The following CTNNA2 variants were observed in gnomAD, a reference collection of about 807,000 sequenced individuals.
CTNNA2 encodes catenin alpha 2.
Under a neutral mutation model 101.0 loss-of-function variants are expected in CTNNA2, and 42 were observed. The ratio of observed to expected loss-of-function variants is 0.42; its 90% CI spans 0.32 to 0.54. The LOEUF is 0.54. Ranked by LOEUF, CTNNA2 falls within the 20% of genes least tolerant of loss-of-function variation. The pLI, the probability that CTNNA2 is intolerant of heterozygous loss-of-function variation, is 0.14. For synonymous variants in CTNNA2, 450 were observed against 456.4 expected, an observed-to-expected ratio of 0.99 and a Z score of 0.18; for missense variants, 871 against 1,223.1, an observed-to-expected ratio of 0.71 and a Z score of 4.29.
intron 7 of CTNNA2, among the ~76,000 whole-genome samples, chr2:79,981,229 A>AG (rs1691244530): frequency 6.6e-6 from 1 of 152,166 alleles, no homozygotes; most frequent in African/African-American, 2.4e-5. Context: ...ACCAAAAAAT[A>AG]GGGGGCTTCA....
chr2:79,387,222 C>T (rs904178730), intron 4 of CTNNA2, among the ~76,000 whole-genome samples: 9 of 152,324 alleles, frequency 5.9e-5, no homozygotes, highest in Middle Eastern at 6.8e-3. Flanking sequence ...TCTCAGATTA[C>T]CTTTCTGCGC....
At chr2:80,322,518 C>T (rs1338248370) in intron 7 of CTNNA2, among the ~76,000 whole-genome samples, 1 of 151,730 alleles carries the variant, frequency 6.6e-6, no homozygotes, top group African/African-American at 2.4e-5. Context: ...ACGCTCCCCG[C>T]GGGGCTGCCT....
chr2:80,241,926 A>G (rs2149092280), intron 7 of CTNNA2, among the ~76,000 whole-genome samples: 1 of 152,244 alleles, frequency 6.6e-6, no homozygotes, highest in East Asian at 1.9e-4. Flanking sequence ...TTTCCAAGAG[A>G]GGTTGTTGAT....
At chr2:80,264,521 T>C (rs1360592775) in intron 7 of CTNNA2, among the ~76,000 whole-genome samples, 3 of 152,166 alleles carry the variant, frequency 2.0e-5, no homozygotes, top group Non-Finnish European at 4.4e-5. Flanking sequence ...GTGAAAGAGG[T>C]AACTGTTTAC....
chr2:80,382,979 A>T (rs373518013), intron 7 of CTNNA2, among the ~76,000 whole-genome samples: 1 of 152,180 alleles, frequency 6.6e-6, no homozygotes, highest in East Asian at 1.9e-4. Flanking sequence ...TGCCTTAACT[A>T]CTTTTATCTC....
chr2:80,386,069 A>G (rs1676966888), intron 7 of CTNNA2, among the ~76,000 whole-genome samples: 1 of 152,112 alleles, frequency 6.6e-6, no homozygotes, highest in South Asian at 2.1e-4. Context: ...ATATCCTGAT[A>G]TTGCTCTACT....
At chr2:80,582,822 G>C (rs1373915093) in intron 14 of CTNNA2, among the ~76,000 whole-genome samples, 1 of 152,152 alleles carries the variant, frequency 6.6e-6, no homozygotes, top group East Asian at 1.9e-4. Flanking sequence ...GGAAACGCCA[G>C]AAAGCCCACA....
intron 12 of CTNNA2, among the ~76,000 whole-genome samples, chr2:80,559,868 G>A (rs544365995): frequency 1.1e-3 from 127 of 114,142 alleles, no homozygotes; most frequent in Non-Finnish European, 2.0e-3. Flanking sequence ...CACATTCAGC[G>A]ATATCATATT....
intron 7 of CTNNA2, among the ~76,000 whole-genome samples, chr2:80,334,404 T>C (rs533524221): frequency 1.4e-4 from 21 of 152,324 alleles, no homozygotes; most frequent in African/African-American, 4.1e-4. Flanking sequence ...CTCCCCTTAA[T>C]TCCTTTCTTC....
At chr2:80,511,235 A>G (rs1371520439) in intron 9 of CTNNA2, among the ~76,000 whole-genome samples, 1 of 152,224 alleles carries the variant, frequency 6.6e-6, no homozygotes, top group Non-Finnish European at 1.5e-5. Flanking sequence ...TAAAAAATTC[A>G]AAAGCATAAT....
intron 1 of CTNNA2, among the ~76,000 whole-genome samples, chr2:79,539,724 T>A (rs1673293237): frequency 6.6e-6 from 1 of 152,150 alleles, no homozygotes; most frequent in East Asian, 1.9e-4. Context: ...TGTCAGTGTT[T>A]GAAAGACTCT....
At chr2:79,529,847 A>G (rs1467817235) in intron 1 of CTNNA2, among the ~76,000 whole-genome samples, 1 of 151,886 alleles carries the variant, frequency 6.6e-6, no homozygotes, top group African/African-American at 2.4e-5. Flanking sequence ...TTATGACGTC[A>G]ACAAGAGAAA....
At chr2:80,025,090 C>T (rs192991625) in intron 7 of CTNNA2, among the ~76,000 whole-genome samples, 21 of 152,284 alleles carry the variant, frequency 1.4e-4, no homozygotes, top group Admixed American at 3.3e-4. Flanking sequence ...TGCTTCTCTC[C>T]GACATCCAGC....
chr2:80,113,989 C>T (rs191652921), intron 7 of CTNNA2, among the ~76,000 whole-genome samples: 11 of 152,306 alleles, frequency 7.2e-5, no homozygotes, highest in Admixed American at 4.6e-4. Context: ...TCAGGGCAAA[C>T]TCTTCCAGTG....
intron 1 of CTNNA2, among the ~76,000 whole-genome samples, chr2:79,603,344 C>T (rs1393985653): frequency 3.3e-5 from 5 of 152,026 alleles, no homozygotes; most frequent in South Asian, 4.1e-4. Context: ...GGAAGGATTT[C>T]GTTCATAAAA....
chr2:80,404,089 G>C (rs983221985), intron 8 of CTNNA2, among the ~76,000 whole-genome samples: 4 of 152,156 alleles, frequency 2.6e-5, no homozygotes, highest in Non-Finnish European at 5.9e-5. Context: ...TTGTTATCCT[G>C]CTAGGTTTTG....
At chr2:79,630,543 A>G (rs1320918765) in intron 1 of CTNNA2, among the ~76,000 whole-genome samples, 2 of 152,224 alleles carry the variant, frequency 1.3e-5, no homozygotes, top group Non-Finnish European at 2.9e-5. Flanking sequence ...ATAAAGAAAA[A>G]CTTTCAGTAT....
At position 80,499,588 on chromosome 2, in the gene CTNNA2, T is replaced by A. The variant is rs944200655; in HGVS notation, c.1291-45394T>A. 7.2e-5 allele frequency among the ~76,000 whole-genome samples: 11 copies of A among 152,022 alleles called. No individual in the cohort carries two copies. In the South Asian group the frequency reaches 8.3e-4, roughly 11 times the overall value. On this transcript the variant is annotated intron_variant, in intron 9 of 18. Coordinates refer to ENST00000402739, the MANE Select transcript of CTNNA2 (RefSeq NM_001282597.3). ...CTGTAATCCCAGCACTTTGGGAGGC[T>A]GAGGTGGAAGGATCATCTGAGGTCA...
intron 7 of CTNNA2, among the ~76,000 whole-genome samples, chr2:80,098,005 C>G (rs1490015098): frequency 6.6e-6 from 1 of 152,186 alleles, no homozygotes; most frequent in Non-Finnish European, 1.5e-5. Flanking sequence ...TTCTCTCAAC[C>G]TGTCAAAGTT....
Sources: gnomAD v4.1 joint callset for allele counts (sites outside exome capture counted in the v4.1 genomes callset) on GRCh38, gnomAD v4.1.1 for gene constraint, MANE v1.5 for transcripts, NCBI Gene and HGNC (gene_info 2026-07-23, HGNC 2026-07-21) for gene names.